ACTA2: variants seen among roughly 807,000 people sequenced by gnomAD.
ACTA2 encodes actin alpha 2, smooth muscle, also known as actin, aortic smooth muscle.
Under a neutral mutation model 39.5 loss-of-function variants are expected in ACTA2, and 12 were observed. The ratio of observed to expected loss-of-function variants is 0.30; its 90% CI spans 0.19 to 0.49. The LOEUF is 0.49. Ranked by LOEUF, ACTA2 falls within the 20% of genes least tolerant of loss-of-function variation. The probability of loss-of-function intolerance (pLI) is 0.99; values close to 1 mark genes in which losing one functional copy is unlikely to be tolerated. For synonymous variants in ACTA2, 158 were observed against 180.6 expected (o/e 0.88, Z 1.00); for missense variants, 236 against 498.8 (o/e 0.47, Z 5.02).
intron 1 of ACTA2, among the ~76,000 whole-genome samples, chr10:88,969,729 G>A (rs1237733214): frequency 2.0e-5 from 3 of 152,184 alleles, no homozygotes. Flanking sequence ...TTCCTTCATA[G>A]TACTTACTGT....
rs551720685 is a variant in ACTA2, at chr10:88,991,030, G to T, written c.-115C>A. 75 of 1,354,964 alleles carry T rather than the reference G, an allele frequency of 5.5e-5. No individual in the cohort carries two copies. In the East Asian group the frequency reaches 1.5e-3, roughly 27 times the overall value. The allele number at this position is 1,354,964 out of a possible 1,614,324, so 83.9% of individuals were successfully genotyped here. On this transcript the variant is annotated 5_prime_UTR_variant, in exon 1 of 5. Transcript: ENST00000415557. ...GCGGCGCACGCGGGCACCTGGGAGC[G>T]GCGGGCTGCTGCGGGAGGCGTTGGA...
chr10:88,945,247 CTATTGA>C (rs1470155228), intron 3 of ACTA2, among the ~76,000 whole-genome samples: 4 of 152,170 alleles, frequency 2.6e-5, no homozygotes, highest in Non-Finnish European at 5.9e-5. Context: ...GAATATTTTC[CTATTGA>C]TATTGATATC....
At chr10:88,987,689 C>G (rs1384947978) in intron 1 of ACTA2, among the ~76,000 whole-genome samples, 1 of 151,960 alleles carries the variant, frequency 6.6e-6, no homozygotes, top group Middle Eastern at 3.2e-3. Context: ...AGCCAAGTCA[C>G]ATTTCCCACC....
Position 88,990,670 on chromosome 10 carries a change from A to G in ACTA2, c.-24+269T>C. On this transcript the variant is annotated intron_variant, in intron 1 of 4. Transcript: ENST00000415557. The surrounding 1 kb of genome is among the most constrained non-coding windows in gnomAD (Gnocchi z 4.9). ...CTCTGATCTCGCGCAAGAGTGACAC[A>G]CAGGTGTTCAAAGACGCTTCTGGGG... is the stretch of plus-strand genomic sequence containing the variant. 1.4e-6 allele frequency: 1 copy of G among 703,148 alleles called. No individual in the cohort carries two copies. Among genetic ancestry groups the G allele is most frequent in the Non-Finnish European group, 2.6e-6 (1 of 387,472 alleles). 43.6% of individuals were successfully genotyped at this position (703,148 alleles called of 1,614,324 possible).
In ACTA2 at chr10:88,985,416, T is replaced by C. The variant is rs540497566; in HGVS notation, c.-24+5523A>G. On this transcript the variant is annotated intron_variant, in intron 1 of 4. Coordinates refer to the ACTA2 transcript ENST00000415557. ...CAGTTGAACTAGATGTTAATACCACTATTGTATTAGTCGACTAACATTGCC... is the reference window on the plus strand; with the variant it reads ...CAGTTGAACTAGATGTTAATACCACCATTGTATTAGTCGACTAACATTGCC... Among the ~76,000 whole-genome samples the C allele has an allele frequency of 1.9e-4, 29 of 152,358 alleles. No homozygotes were observed. In the South Asian group the frequency reaches 5.0e-3, roughly 26 times the overall value.
At chr10:88,968,158 T>C (rs988023767) in intron 1 of ACTA2, among the ~76,000 whole-genome samples, 5 of 152,190 alleles carry the variant, frequency 3.3e-5, no homozygotes, top group Non-Finnish European at 7.3e-5. Context: ...TTTTGCATAT[T>C]TAATTTGTAT....
intron 1 of ACTA2, among the ~76,000 whole-genome samples, chr10:88,958,794 A>C (rs1463921181): frequency 6.6e-6 from 1 of 152,144 alleles, no homozygotes; most frequent in African/African-American, 2.4e-5. Context: ...CCTTCACAAA[A>C]GACTTTGGAT....
chr10:88,960,792 A>T (rs1343928412), intron 1 of ACTA2, among the ~76,000 whole-genome samples: 1 of 152,176 alleles, frequency 6.6e-6, no homozygotes, highest in Non-Finnish European at 1.5e-5. Flanking sequence ...TCAGAAACTC[A>T]TTTGTCACTA....
rs1002541964 is a variant in ACTA2, at chr10:88,990,348, C to T, written c.-24+591G>A. 1.3e-5 allele frequency among the ~76,000 whole-genome samples: 2 copies of T among 152,192 alleles called. No individual in the cohort carries two copies. The highest frequency in any genetic ancestry group is 2.4e-5 in the African/African-American group (1 of 41,448). ...CCTCTGCGCTCTGAGCTCCATTCTCCTTCAAGACCTCCCCAACTTCCCAGG... is the reference window on the plus strand; with the variant it reads ...CCTCTGCGCTCTGAGCTCCATTCTCTTTCAAGACCTCCCCAACTTCCCAGG... On this transcript the variant is annotated intron_variant, in intron 1 of 4. Coordinates refer to the ACTA2 transcript ENST00000415557. The surrounding 1 kb of genome is among the most constrained non-coding windows in gnomAD (Gnocchi z 4.9).
intron 1 of ACTA2, among the ~76,000 whole-genome samples, chr10:88,975,409 C>T (rs535446034): frequency 6.6e-6 from 1 of 152,240 alleles, no homozygotes; most frequent in South Asian, 2.1e-4. Context: ...CTGAAAGTAC[C>T]TGAAAGTGTT....
At chr10:88,977,650 G>GCTCATC (rs1846600512) in intron 1 of ACTA2, among the ~76,000 whole-genome samples, 2 of 151,556 alleles carry the variant, frequency 1.3e-5, no homozygotes, top group Admixed American at 1.3e-4. Context: ...ATGAAAAAAT[G>GCTCATC]CTCATCATCA....
At chr10:88,986,741 G>C (rs538483874) in intron 1 of ACTA2, among the ~76,000 whole-genome samples, 2 of 152,106 alleles carry the variant, frequency 1.3e-5, no homozygotes, top group African/African-American at 4.8e-5. Context: ...GAAGGAAGTA[G>C]TGCAGGAAGG....
chr10:88,958,341 T>C (rs543798008), intron 1 of ACTA2, among the ~76,000 whole-genome samples: 1 of 152,212 alleles, frequency 6.6e-6, no homozygotes, highest in Non-Finnish European at 1.5e-5. Flanking sequence ...CTAATAGTTA[T>C]CAGACAATGC....
At chr10:88,981,073 C>T (rs572629632) in intron 1 of ACTA2, among the ~76,000 whole-genome samples, 9 of 152,222 alleles carry the variant, frequency 5.9e-5, no homozygotes, top group African/African-American at 2.2e-4. Context: ...AGGCCAACTG[C>T]GAGGAAGTCA....
intron 1 of ACTA2, among the ~76,000 whole-genome samples, chr10:88,968,686 C>T (rs532916358): frequency 1.8e-4 from 27 of 152,300 alleles, no homozygotes; most frequent in African/African-American, 6.5e-4. Context: ...TTCTGAATCA[C>T]TGAAAGCCTT....
At chr10:88,944,050 G>T in intron 3 of ACTA2, 143 bp from the exon 4 acceptor site, 1 of 688,562 alleles carries the variant, frequency 1.5e-6, no homozygotes, top group Non-Finnish European at 2.5e-6. Context: ...TGGTTTTATA[G>T]ATGCAGAGAC....
intron 4 of ACTA2, among the ~76,000 whole-genome samples, chr10:88,942,634 G>T (rs182786864): frequency 6.6e-6 from 1 of 152,262 alleles, no homozygotes; most frequent in African/African-American, 2.4e-5. Flanking sequence ...TGAGAAGTTT[G>T]TGCATCAGGA....
intron 1 of ACTA2, chr10:88,973,354 CA>C: frequency 6.7e-7 from 1 of 1,484,714 alleles, no homozygotes. Context: ...TTAGGTAATC[CA>C]AGAATTGCCA....
chr10:88,988,574 T>C (rs1846991136), intron 1 of ACTA2, among the ~76,000 whole-genome samples: 1 of 152,112 alleles, frequency 6.6e-6, no homozygotes, highest in Non-Finnish European at 1.5e-5. Flanking sequence ...AGGATGGTTG[T>C]CCAAAATATC....
Sources: gnomAD v4.1 joint callset for allele counts (sites outside exome capture counted in the v4.1 genomes callset) on GRCh38, gnomAD v4.1.1 for gene constraint, Gnocchi (gnomAD v3.1) non-coding constraint, MANE v1.5 for transcripts, NCBI Gene and HGNC (gene_info 2026-07-23, HGNC 2026-07-21) for gene names.